The following ACTR3 variants were observed in gnomAD, a reference collection of about 807,000 sequenced individuals.
ACTR3 encodes actin-related protein 3.
In ACTR3, 12 loss-of-function variants were observed where a neutral mutation model predicts 56.8. The ratio of observed to expected loss-of-function variants is 0.21; its 90% CI spans 0.14 to 0.34. The LOEUF (loss-of-function observed/expected upper bound fraction) is 0.34, where lower values mean the gene tolerates loss of function less well. ACTR3 is among the 10% of genes least tolerant of loss of function. ACTR3 has a pLI of 1.00. For synonymous variants in ACTR3, 162 were observed against 167.4 expected, an observed-to-expected ratio of 0.97 and a Z score of 0.25; for missense variants, 282 against 512.5, an observed-to-expected ratio of 0.55 and a Z score of 4.34.
chr2:113,951,133 G>A (rs781634789), intron 8 of ACTR3: 6 of 173,056 alleles, frequency 3.5e-5, no homozygotes, highest in Non-Finnish European at 7.5e-5. Context: ...CACAGAGCCA[G>A]ACCATGTCAC....
chr2:113,949,853 A>C (rs1371400426), intron 8 of ACTR3, among the ~76,000 whole-genome samples: 1 of 152,242 alleles, frequency 6.6e-6, no homozygotes, highest in African/African-American at 2.4e-5. Flanking sequence ...GTGAGTCACC[A>C]TGCCCAGCTT....
intron 10 of ACTR3, chr2:113,953,912 A>G (rs985257448): frequency 6.6e-6 from 1 of 152,244 alleles, no homozygotes; most frequent in Non-Finnish European, 1.5e-5. Context: ...TCCAGGATCC[A>G]ATCAAGGATT....
intron 2 of ACTR3, among the ~76,000 whole-genome samples, chr2:113,913,714 T>A (rs1411538493): frequency 6.6e-6 from 1 of 152,226 alleles, no homozygotes; most frequent in African/African-American, 2.4e-5. Context: ...ACCTCAGCTG[T>A]TTTCTAATAT....
intron 3 of ACTR3, among the ~76,000 whole-genome samples, chr2:113,926,703 T>C (rs1431135204): frequency 6.6e-6 from 1 of 152,186 alleles, no homozygotes; most frequent in African/African-American, 2.4e-5. Context: ...ATTCCTCTAA[T>C]GACCTGATGA....
At chr2:113,915,409 A>G (rs995427087) in intron 2 of ACTR3, among the ~76,000 whole-genome samples, 1 of 152,164 alleles carries the variant, frequency 6.6e-6, no homozygotes, top group African/African-American at 2.4e-5. Flanking sequence ...CACTAGTCAT[A>G]TTGTATTAGG....
At chr2:113,935,193 G>GT (rs1163098154) in intron 6 of ACTR3, among the ~76,000 whole-genome samples, 2 of 152,156 alleles carry the variant, frequency 1.3e-5, no homozygotes, top group Non-Finnish European at 1.5e-5. Context: ...AACTGCCATT[G>GT]TTTAACGATA....
At chr2:113,921,334 C>G (rs766551324) in intron 3 of ACTR3, among the ~76,000 whole-genome samples, 2 of 87,476 alleles carry the variant, frequency 2.3e-5, no homozygotes, top group Non-Finnish European at 4.8e-5. Context: ...TTTTTTTTTT[C>G]TTGCTGTTGA....
At chr2:113,945,198 CATAAAG>C (rs1476168309) in intron 8 of ACTR3, among the ~76,000 whole-genome samples, 1 of 152,126 alleles carries the variant, frequency 6.6e-6, no homozygotes, top group Non-Finnish European at 1.5e-5. Flanking sequence ...TTTATCAAAA[CATAAAG>C]ATTAAGAGGA....
intron 8 of ACTR3, among the ~76,000 whole-genome samples, chr2:113,946,765 C>T (rs75122029): frequency 0.13 from 19,380 of 152,076 alleles, 1,642 homozygotes; most frequent in South Asian, 0.22. Flanking sequence ...TGCCCATACC[C>T]GTGTCCAGAA....
chr2:113,943,118 G>A (rs772476785), intron 8 of ACTR3, among the ~76,000 whole-genome samples: 15 of 152,198 alleles, frequency 9.9e-5, no homozygotes, highest in Admixed American at 3.9e-4. Context: ...ATTTAAACAC[G>A]TAAGGTTATA....
chr2:113,935,227 A>G (rs1679805089), intron 6 of ACTR3, among the ~76,000 whole-genome samples: 1 of 150,368 alleles, frequency 6.7e-6, no homozygotes, highest in African/African-American at 2.5e-5. Context: ...TTCATATACC[A>G]TACAATTCAC....
chr2:113,948,141 A>G (rs995240583), intron 8 of ACTR3, among the ~76,000 whole-genome samples: 4 of 152,038 alleles, frequency 2.6e-5, no homozygotes, highest in East Asian at 3.9e-4. Context: ...TGCAACTTCA[A>G]ATTTTTTTTC....
At chr2:113,934,534 G>A (rs1236707559) in intron 6 of ACTR3, 148 bp downstream of exon 6, 8 of 473,484 alleles carry the variant, frequency 1.7e-5, no homozygotes, top group Admixed American at 4.2e-5. Context: ...TTTGCTCACC[G>A]TTTAAAACTT....
chr2:113,901,765 A>G (rs1679104394), intron 1 of ACTR3, among the ~76,000 whole-genome samples: 1 of 152,228 alleles, frequency 6.6e-6, no homozygotes. Context: ...GCACAGGCAG[A>G]GTAGATTTAG....
intron 1 of ACTR3, among the ~76,000 whole-genome samples, chr2:113,908,606 CTG>C (rs1679247229): frequency 2.0e-5 from 3 of 151,680 alleles, no homozygotes; most frequent in African/African-American, 7.3e-5. Flanking sequence ...TTTTTTTAGT[CTG>C]AGATTTCTAC....
At chr2:113,934,226 T>G in intron 5 of ACTR3, 53 bp from the exon 6 acceptor site, 1 of 1,277,960 alleles carries the variant, frequency 7.8e-7, no homozygotes, top group South Asian at 1.3e-5. Context: ...AACTCTTTGT[T>G]TTTTTGTTTT....
At chr2:113,936,528 C>T (rs1389924761) in intron 6 of ACTR3, among the ~76,000 whole-genome samples, 1 of 152,126 alleles carries the variant, frequency 6.6e-6, no homozygotes, top group Non-Finnish European at 1.5e-5. Flanking sequence ...TTACAAATAA[C>T]ATTCTACTAC....
intron 1 of ACTR3, among the ~76,000 whole-genome samples, chr2:113,908,013 G>C (rs1679231307): frequency 6.8e-6 from 1 of 147,506 alleles, no homozygotes; most frequent in Non-Finnish European, 1.5e-5. Context: ...GTGGGTTGCT[G>C]TGATACACTT....
intron 8 of ACTR3, among the ~76,000 whole-genome samples, chr2:113,947,100 T>C (rs1680036409): frequency 6.6e-6 from 1 of 152,136 alleles, no homozygotes; most frequent in Non-Finnish European, 1.5e-5. Flanking sequence ...CATTTATATG[T>C]GAGTAGATTA....
Sources: gnomAD v4.1 joint callset for allele counts (sites outside exome capture counted in the v4.1 genomes callset) on GRCh38, gnomAD v4.1.1 for gene constraint, MANE v1.5 for transcripts, NCBI Gene and HGNC (gene_info 2026-07-23, HGNC 2026-07-21) for gene names.